Variants in SEPTIN2 observed in about 807,000 individuals in gnomAD.
SEPTIN2 encodes septin 2, also known as septin-2.
In SEPTIN2, 34 loss-of-function variants were observed where a neutral mutation model predicts 46.5. The observed-to-expected ratio is 0.73, with a 90% CI of 0.56 to 0.97. The LOEUF is 0.97. Ranked by LOEUF, SEPTIN2 falls within the 50% of genes least tolerant of loss-of-function variation. The pLI is 0.00. For missense variants in SEPTIN2, 347 were observed against 448.4 expected (o/e 0.77, Z 2.04); for synonymous variants, 175 against 153.4 (o/e 1.14, Z -1.04).
intron 3 of SEPTIN2, among the ~76,000 whole-genome samples, chr2:241,331,085 G>A (rs1267482311): frequency 2.0e-5 from 3 of 152,206 alleles, no homozygotes; most frequent in East Asian, 1.9e-4. Context: ...AGGCTGAGGC[G>A]GGAGAATCGC....
chr2:241,317,640 A>C, intron 1 of SEPTIN2: 1 of 806,822 alleles, frequency 1.2e-6, no homozygotes, highest in African/African-American at 1.9e-5. Context: ...GTAGTCATAC[A>C]TGCCACTTAT....
intron 1 of SEPTIN2, chr2:241,316,354 A>G: frequency 1.7e-6 from 1 of 571,908 alleles, no homozygotes. Flanking sequence ...ATACAGGTTT[A>G]GGCCCGACAA....
In SEPTIN2 at chr2:241,342,895, T is replaced by C. The variant is rs904732270; in HGVS notation, c.595-97T>C. 1.0e-5 allele frequency: 7 copies of C among 678,786 alleles called. No individual in the cohort carries two copies. In the African/African-American group the frequency reaches 1.3e-4, roughly 12 times the overall value. The allele number at this position is 678,786 out of a possible 1,614,324, so 42.0% of individuals were successfully genotyped here. Reference sequence around the variant, plus strand: ...TCATCAGTTTGATTATTGACATTTGTATGATTTCCAATATATTTCTTACAA... The same window carrying C: ...TCATCAGTTTGATTATTGACATTTGCATGATTTCCAATATATTTCTTACAA... On this transcript the variant is annotated intron_variant, in intron 7 of 12. Coordinates refer to ENST00000391971, the MANE Select transcript of SEPTIN2 (RefSeq NM_004404.5).
intron 9 of SEPTIN2, among the ~76,000 whole-genome samples, chr2:241,345,944 C>A (rs1168194805): frequency 6.6e-6 from 1 of 152,164 alleles, no homozygotes. Flanking sequence ...CAGTCGAGAC[C>A]TGTGTTTGTA....
At chr2:241,327,635 C>A (rs1027454373) in intron 3 of SEPTIN2, among the ~76,000 whole-genome samples, 1 of 151,684 alleles carries the variant, frequency 6.6e-6, no homozygotes, top group Non-Finnish European at 1.5e-5. Flanking sequence ...TACACCAGGA[C>A]GCATCATAAC....
At chr2:241,316,756 C>G (rs1320650300) in intron 1 of SEPTIN2, 1 of 423,852 alleles carries the variant, frequency 2.4e-6, no homozygotes. Flanking sequence ...CCTCTCTCCA[C>G]GGAAACACAC....
chr2:241,338,223 C>T (rs1471147959), intron 7 of SEPTIN2, among the ~76,000 whole-genome samples: 1 of 152,106 alleles, frequency 6.6e-6, no homozygotes, highest in East Asian at 1.9e-4. Context: ...CAGCGAAGCG[C>T]CTCTCACCCG....
In SEPTIN2 at chr2:241,351,976, T is replaced by G. The variant is rs11554056; in HGVS notation, c.*39T>G. ...GTTTTCTTTTTTCTAGAAAACACTT[T>G]CCTGGATAAAAAAGAAAACATTCCA... On this transcript the variant is annotated 3_prime_UTR_variant, in exon 13 of 13. Coordinates refer to ENST00000391971, the MANE Select transcript of SEPTIN2 (RefSeq NM_004404.5). 1 of 152,660 alleles carries G rather than the reference T, an allele frequency of 6.6e-6. No homozygotes were observed. The highest frequency in any genetic ancestry group is 2.4e-5 in the African/African-American group (1 of 41,466). The allele number at this position is 152,660 out of a possible 1,614,324, so 9.5% of individuals were successfully genotyped here.
chr2:241,324,389 T>A, intron 2 of SEPTIN2, 148 bp downstream of exon 2: 2 of 7,310 alleles, frequency 2.7e-4, no homozygotes, highest in Admixed American at 2.7e-3. Context: ...TTTAGTTGTC[T>A]TTTTTTTTTT....
chr2:241,332,117 G>A (rs2079094576), intron 3 of SEPTIN2, among the ~76,000 whole-genome samples: 1 of 151,928 alleles, frequency 6.6e-6, no homozygotes, highest in Admixed American at 6.6e-5. Flanking sequence ...AAGAAAATGG[G>A]CAAAAAAATT....
intron 2 of SEPTIN2, chr2:241,325,252 A>G (rs1327909075): frequency 6.6e-6 from 1 of 151,910 alleles, no homozygotes; most frequent in Non-Finnish European, 1.5e-5. Context: ...ATTTCTTCTC[A>G]TTTTCAGTAT....
Position 241,346,233 on chromosome 2 carries a change from C to A in SEPTIN2, c.910C>A (p.Leu304Ile), listed in dbSNP as rs1353544781. 1 of 1,613,846 alleles carries A rather than the reference C, an allele frequency of 6.2e-7. No individual in the cohort carries two copies. Among genetic ancestry groups the A allele is most frequent in the Admixed American group, 1.7e-5 (1 of 59,998 alleles). The change falls in exon 10 of 13, where the codon CTC (leucine) becomes ATC (isoleucine). Residue 304 changes from leucine to isoleucine, a missense_variant. By Grantham distance (5) the Leu-to-Ile change is conservative (BLOSUM62 2). Transcript: ENST00000391971. ...LHYENFRSER[L>I]KRGGRKVENE... ...TTATGAAAACTTCCGTTCTGAGAGACTCAAGAGAGGCGGCAGGTCATCACA... is the reference window on the plus strand; with the variant it reads ...TTATGAAAACTTCCGTTCTGAGAGAATCAAGAGAGGCGGCAGGTCATCACA...
At chr2:241,349,185 C>A (rs1049852736) in intron 11 of SEPTIN2, among the ~76,000 whole-genome samples, 7 of 151,848 alleles carry the variant, frequency 4.6e-5, no homozygotes, top group Non-Finnish European at 7.4e-5. Context: ...CAGAGTGAGA[C>A]CCCCCTCGTT....
chr2:241,329,024 C>A (rs146807623), intron 3 of SEPTIN2, among the ~76,000 whole-genome samples: 1 of 151,570 alleles, frequency 6.6e-6, no homozygotes, highest in Admixed American at 6.6e-5. Flanking sequence ...CCATCTCTCA[C>A]ACACAAAAAA....
chr2:241,316,243 C>G, intron 1 of SEPTIN2: 1 of 364,644 alleles, frequency 2.7e-6, no homozygotes, highest in Non-Finnish European at 5.0e-6. Flanking sequence ...TTCCGGTGAC[C>G]CCTTGTTGAC....
intron 1 of SEPTIN2, chr2:241,320,379 T>C (rs902354286): frequency 8.8e-6 from 4 of 452,426 alleles, no homozygotes; most frequent in African/African-American, 6.1e-5. Flanking sequence ...GCCCATTTTT[T>C]CTGCATTTTC....
intron 12 of SEPTIN2, among the ~76,000 whole-genome samples, chr2:241,350,851 T>C (rs1003398499): frequency 6.6e-6 from 1 of 152,178 alleles, no homozygotes; most frequent in African/African-American, 2.4e-5. Flanking sequence ...ATGTATCTTA[T>C]GGACAGGCAG....
chr2:241,339,297 G>A (rs899073076), intron 7 of SEPTIN2, among the ~76,000 whole-genome samples: 6 of 150,784 alleles, frequency 4.0e-5, no homozygotes, highest in East Asian at 1.9e-4. Context: ...GGAGGCTGAA[G>A]CAAAAGAATC....
Position 241,326,106 on chromosome 2 carries a change from G to A in SEPTIN2, c.123G>A (p.Met41Ile). 4.3e-6 allele frequency: 7 copies of A among 1,611,746 alleles called. No individual in the cohort carries two copies. Among genetic ancestry groups the A allele is most frequent in the Non-Finnish European group, 5.9e-6 (7 of 1,178,998 alleles). The change falls in exon 3 of 13, where the codon ATG becomes ATA. Residue 41 changes from methionine to isoleucine, a missense_variant. Physicochemically the swap from Met to Ile is conservative, Grantham distance 10. Transcript: ENST00000391971. ...AAAAAGGTTTTGAGTTCACACTGAT[G>A]GTGGTCGGTAAGAAATTAATCTATA... ...SVKKGFEFTLMVVGESGLGKS... is the reference protein window; with the variant it reads ...SVKKGFEFTLIVVGESGLGKS...
Sources: allele counts gnomAD v4.1 joint callset (sites outside exome capture counted in the v4.1 genomes callset), GRCh38; gene constraint gnomAD v4.1.1; transcripts MANE v1.5; gene names NCBI Gene and HGNC (gene_info 2026-07-23, HGNC 2026-07-21).